The following ZDHHC17 variants were observed in gnomAD, a reference collection of about 807,000 sequenced individuals.
ZDHHC17 encodes zDHHC palmitoyltransferase 17, also known as palmitoyltransferase ZDHHC17.
ZDHHC17 carries 40 observed loss-of-function variants against 90.3 expected under a neutral mutation model. The ratio of observed to expected loss-of-function variants is 0.44; its 90% CI spans 0.34 to 0.58. The LOEUF (loss-of-function observed/expected upper bound fraction) is 0.58, where lower values mean the gene tolerates loss of function less well. Ranked by LOEUF, ZDHHC17 falls within the 20% of genes least tolerant of loss-of-function variation. The pLI is 0.01. For synonymous variants in ZDHHC17, 235 were observed against 252.4 expected, an observed-to-expected ratio of 0.93 and a Z score of 0.65; for missense variants, 614 against 780.8, an observed-to-expected ratio of 0.79 and a Z score of 2.55.
chr12:76,839,297 C>G (rs921372108), intron 10 of ZDHHC17, among the ~76,000 whole-genome samples: 1 of 152,214 alleles, frequency 6.6e-6, no homozygotes, highest in Non-Finnish European at 1.5e-5. Context: ...ACTGCTAGTA[C>G]AGGTAGAGCA....
At chr12:76,777,467 G>T (rs1166217374) in intron 1 of ZDHHC17, among the ~76,000 whole-genome samples, 1 of 152,124 alleles carries the variant, frequency 6.6e-6, no homozygotes, top group Non-Finnish European at 1.5e-5. Flanking sequence ...TCCAGGTTTT[G>T]GTTATTAGAA....
At chr12:76,826,364 G>A (rs1319496111) in intron 8 of ZDHHC17, among the ~76,000 whole-genome samples, 2 of 152,192 alleles carry the variant, frequency 1.3e-5, no homozygotes, top group African/African-American at 4.8e-5. Flanking sequence ...ACTCTGCCTT[G>A]ATCTTTGTTC....
chr12:76,784,809 A>G (rs1363877361), intron 1 of ZDHHC17, among the ~76,000 whole-genome samples: 4 of 152,232 alleles, frequency 2.6e-5, no homozygotes, highest in African/African-American at 9.6e-5. Context: ...GATCCTGAAG[A>G]CAAAGCACAG....
Position 76,845,711 on chromosome 12 carries a change from A to G in ZDHHC17, c.1332A>G (p.Ile444Met), listed in dbSNP as rs1953487466. 1 of 1,595,944 alleles carries G rather than the reference A, an allele frequency of 6.3e-7. No homozygotes were observed. The highest frequency in any genetic ancestry group is 8.6e-7 in the Non-Finnish European group (1 of 1,167,506). ...DLSIFCSTCL[I>M]RKPVRSKHCG... Reference sequence around the variant, plus strand: ...TCCTTTAACATGCCTATTAACAGATACGAAAACCGGTGAGGTCCAAACATT... The same window carrying G: ...TCCTTTAACATGCCTATTAACAGATGCGAAAACCGGTGAGGTCCAAACATT... Residue 444 changes from isoleucine (I) to methionine (M), a missense_variant and splice_region_variant, in exon 13 of 17, where the codon ATA (isoleucine) becomes ATG (methionine). Coordinates refer to ENST00000426126, the MANE Select transcript of ZDHHC17 (RefSeq NM_015336.4).
chr12:76,827,148 CTTAAT>C (rs1953239786), intron 9 of ZDHHC17, 98 bp downstream of exon 9: 1 of 1,282,208 alleles, frequency 7.8e-7, no homozygotes. Context: ...TACATTTGAT[CTTAAT>C]TTATTTAAAT....
At position 76,816,034 on chromosome 12, in the gene ZDHHC17, T is replaced by G; in HGVS notation, c.771+15T>G. Reference sequence around the variant, plus strand: ...AGAATATCAAGGTAAAAATATTCTATATTGATAATACTGTATGAAATGTGG... The same window carrying G: ...AGAATATCAAGGTAAAAATATTCTAGATTGATAATACTGTATGAAATGTGG... On this transcript the variant is annotated intron_variant, in intron 7 of 16. Coordinates refer to ENST00000426126, the MANE Select transcript of ZDHHC17 (RefSeq NM_015336.4). 1 of 1,502,230 alleles carries G rather than the reference T, an allele frequency of 6.7e-7. No homozygotes were observed. The highest frequency in any genetic ancestry group is 1.3e-5 in the South Asian group (1 of 75,552). The allele number at this position is 1,502,230 out of a possible 1,614,324, so 93.1% of individuals were successfully genotyped here. A position where few individuals can be genotyped will look rare whatever the true frequency, so the allele number is the denominator to read the frequency against.
At position 76,828,871 on chromosome 12, in the gene ZDHHC17, A is replaced by T. The variant is rs534161956; in HGVS notation, c.1141+381A>T. Among the ~76,000 whole-genome samples the T allele has an allele frequency of 7.9e-5, 12 of 152,202 alleles. No individual in the cohort carries two copies. The South Asian group carries it at 2.3e-3, about 29-fold the overall frequency. On this transcript the variant is annotated intron_variant, in intron 10 of 16. Transcript: ENST00000426126. The stretch of plus-strand genomic sequence containing the variant: ...GTTTGTTGTAGGGATATATTGTGTA[A>T]TGGAGAAAAGAACAAGCATCCTCAT...
At chr12:76,844,240 C>T (rs1592499303) in intron 12 of ZDHHC17, 1 of 152,172 alleles carries the variant, frequency 6.6e-6, no homozygotes, top group East Asian at 1.9e-4. Flanking sequence ...GTCATCATAG[C>T]ATAAATGTTT....
At chr12:76,801,963 T>C (rs572226322) in intron 2 of ZDHHC17, among the ~76,000 whole-genome samples, 15 of 152,226 alleles carry the variant, frequency 9.9e-5, no homozygotes, top group Non-Finnish European at 1.9e-4. Context: ...TTAAATCAAG[T>C]AGAAAACAAA....
At chr12:76,827,796 A>G (rs1391327525) in intron 9 of ZDHHC17, among the ~76,000 whole-genome samples, 1 of 152,116 alleles carries the variant, frequency 6.6e-6, no homozygotes, top group Non-Finnish European at 1.5e-5. Context: ...CAAGGGGTAT[A>G]AATAGGAAGT....
Position 76,815,139 on chromosome 12 carries a change from T to C in ZDHHC17, c.544-7T>C, listed in dbSNP as rs992601717. On this transcript the variant is annotated splice_region_variant and splice_polypyrimidine_tract_variant and intron_variant, in intron 5 of 16. Coordinates refer to ENST00000426126, the MANE Select transcript of ZDHHC17 (RefSeq NM_015336.4). Reference sequence around the variant, plus strand: ...CTGTCTGACTTTTTTTCTTTTTACTTTATCAGGATGTAGATATGATGGATC... The same window carrying C: ...CTGTCTGACTTTTTTTCTTTTTACTCTATCAGGATGTAGATATGATGGATC... 2 of 1,540,984 alleles carry C rather than the reference T, an allele frequency of 1.3e-6. No homozygotes were observed. Among genetic ancestry groups the C allele is most frequent in the Middle Eastern group, 1.7e-4 (1 of 5,908 alleles).
chr12:76,775,039 G>GCT (rs1190198689), intron 1 of ZDHHC17, among the ~76,000 whole-genome samples: 1 of 152,122 alleles, frequency 6.6e-6, no homozygotes, highest in African/African-American at 2.4e-5. Flanking sequence ...TGTTGGCCAG[G>GCT]CTGGTCTTGA....
chr12:76,842,121 A>C lies in ZDHHC17; in HGVS notation c.1266+15A>C, dbSNP rs79034414. On this transcript the variant is annotated intron_variant, in intron 11 of 16. Transcript: ENST00000426126. ...AAAAGAAAAAGGTAGCAAAATACCA[A>C]CTAAGTCACTTGTATTTAACTGCCA... is the stretch of plus-strand genomic sequence containing the variant. 1 of 1,546,764 alleles carries C rather than the reference A, an allele frequency of 6.5e-7. No homozygotes were observed. Among genetic ancestry groups the C allele is most frequent in the African/African-American group, 1.4e-5 (1 of 71,342 alleles).
At chr12:76,815,478 TGATTTACATATTGACAAATTTATTAATTA>T (rs1222054569) in intron 6 of ZDHHC17, among the ~76,000 whole-genome samples, 1 of 151,848 alleles carries the variant, frequency 6.6e-6, no homozygotes, top group East Asian at 1.9e-4. Context: ...TTTTTTCATG[TGATTTACATATTGACAAATTTATTAATTA>T]GTAAGTTGTC....
intron 10 of ZDHHC17, among the ~76,000 whole-genome samples, chr12:76,837,771 A>G (rs1396673374): frequency 6.6e-6 from 1 of 152,096 alleles, no homozygotes; most frequent in East Asian, 1.9e-4. Context: ...GTGTTGAATT[A>G]TCTTTGTCAT....
chr12:76,840,987 T>G (rs1361159436), intron 10 of ZDHHC17: 1 of 152,212 alleles, frequency 6.6e-6, no homozygotes, highest in African/African-American at 2.4e-5. Context: ...AAAGTTTGAC[T>G]TCTTATTTAC....
chr12:76,821,104 C>T, intron 7 of ZDHHC17: 1 of 1,288,676 alleles, frequency 7.8e-7, no homozygotes, highest in Non-Finnish European at 1.0e-6. Context: ...GGATGCTCAG[C>T]TGGACCGAGG....
chr12:76,816,305 C>T (rs533665828), intron 7 of ZDHHC17, among the ~76,000 whole-genome samples: 1 of 152,064 alleles, frequency 6.6e-6, no homozygotes, highest in South Asian at 2.1e-4. Flanking sequence ...AAAGTTACAA[C>T]ATTATTTAAG....
intron 10 of ZDHHC17, among the ~76,000 whole-genome samples, chr12:76,835,377 C>G (rs1035201617): frequency 2.0e-5 from 3 of 152,022 alleles, no homozygotes; most frequent in African/African-American, 7.2e-5. Flanking sequence ...GATTGAAATT[C>G]TATTTGAGCT....
Sources: allele counts gnomAD v4.1 joint callset (sites outside exome capture counted in the v4.1 genomes callset), GRCh38; gene constraint gnomAD v4.1.1; transcripts MANE v1.5; gene names NCBI Gene and HGNC (gene_info 2026-07-23, HGNC 2026-07-21).